ERC1: variants seen among roughly 807,000 people sequenced by gnomAD.
The protein encoded by ERC1 is ELKS/RAB6-interacting/CAST family member 1.
In ERC1, 56 loss-of-function variants were observed where a neutral mutation model predicts 132.0. The observed-to-expected ratio is 0.42, with a 90% CI of 0.34 to 0.53. The LOEUF (loss-of-function observed/expected upper bound fraction) is 0.53. Among genes scored for constraint, ERC1 ranks in the 20% least tolerant of loss-of-function variants. The pLI is 0.03. For synonymous variants in ERC1, 478 were observed against 476.1 expected, an observed-to-expected ratio of 1.00 and a Z score of -0.05; for missense variants, 1,202 against 1,349.9, an observed-to-expected ratio of 0.89 and a Z score of 1.72.
chr12:1,057,908 A>G (rs1195173643), intron 2 of ERC1, among the ~76,000 whole-genome samples: 1 of 152,052 alleles, frequency 6.6e-6, no homozygotes, highest in Non-Finnish European at 1.5e-5. Flanking sequence ...ATTTTTTTTT[A>G]GTGATTTTTC....
chr12:1,299,973 G>C (rs2080265329), intron 15 of ERC1, among the ~76,000 whole-genome samples: 1 of 151,974 alleles, frequency 6.6e-6, no homozygotes, highest in African/African-American at 2.4e-5. Context: ...AATTGAATTT[G>C]TCATATGGAA....
intron 15 of ERC1, among the ~76,000 whole-genome samples, chr12:1,367,120 A>G (rs1394820591): frequency 6.6e-6 from 1 of 152,216 alleles, no homozygotes; most frequent in Non-Finnish European, 1.5e-5. Context: ...GAAGAGTAGA[A>G]GAGATATATT....
At chr12:1,271,173 A>G (rs1012471189) in intron 14 of ERC1, among the ~76,000 whole-genome samples, 4 of 152,232 alleles carry the variant, frequency 2.6e-5, no homozygotes, top group African/African-American at 9.6e-5. Context: ...CATTTTAAAA[A>G]TCATAGTTGT....
At chr12:1,269,716 C>T (rs2077699373) in intron 14 of ERC1, among the ~76,000 whole-genome samples, 1 of 152,174 alleles carries the variant, frequency 6.6e-6, no homozygotes, top group Non-Finnish European at 1.5e-5. Context: ...TGCATGAACA[C>T]TTTCCCAAAA....
intron 7 of ERC1, among the ~76,000 whole-genome samples, chr12:1,136,554 C>G (rs1949266497): frequency 6.6e-6 from 1 of 152,192 alleles, no homozygotes; most frequent in Non-Finnish European, 1.5e-5. Flanking sequence ...CAGTAACCAG[C>G]CCAGTGTAAC....
At chr12:1,221,964 A>C (rs1164147905) in intron 12 of ERC1, among the ~76,000 whole-genome samples, 6 of 152,216 alleles carry the variant, frequency 3.9e-5, no homozygotes, top group Non-Finnish European at 5.9e-5. Flanking sequence ...ATACTAACAC[A>C]AACATAGATG....
chr12:1,254,614 G>C (rs1205379976), intron 13 of ERC1, among the ~76,000 whole-genome samples: 2 of 152,030 alleles, frequency 1.3e-5, no homozygotes. Flanking sequence ...CCCGGTTCAG[G>C]CAATTCTCCC....
intron 8 of ERC1, among the ~76,000 whole-genome samples, chr12:1,151,249 A>G (rs1172614869): frequency 5.3e-5 from 8 of 152,190 alleles, no homozygotes. Flanking sequence ...ACCTATAAAT[A>G]CTTCAGTGGG....
chr12:1,305,610 AT>A lies in ERC1; in HGVS notation c.2780+15600del, dbSNP rs1258595763. 6.6e-5 allele frequency among the ~76,000 whole-genome samples: 10 copies of A among 152,232 alleles called. No homozygotes were observed. In the South Asian group the frequency reaches 1.0e-3, roughly 16 times the overall value. On this transcript the variant is annotated intron_variant, in intron 15 of 18. Coordinates refer to ENST00000360905, the MANE Select transcript of ERC1 (RefSeq NM_178040.4). ...TTTGGCTAAAGCTCAATACCTAATT[AT>A]TATTTTCTTTTTATGCACTATTTTT...
At chr12:1,385,537 A>G (rs898371844) in intron 16 of ERC1, among the ~76,000 whole-genome samples, 14 of 152,208 alleles carry the variant, frequency 9.2e-5, no homozygotes, top group South Asian at 4.1e-4. Context: ...CGCCCGCCTC[A>G]GCCTCCCAAA....
chr12:1,354,464 A>T lies in ERC1; in HGVS notation c.2781-17369A>T, dbSNP rs138459774. Among the ~76,000 whole-genome samples, 647 of 152,138 alleles carry T rather than the reference A, an allele frequency of 4.3e-3. 10 individuals carry two copies. Among genetic ancestry groups the T allele is most frequent in the African/African-American group, 0.015 (619 of 41,530 alleles). On this transcript the variant is annotated intron_variant, in intron 15 of 18. Transcript: ENST00000360905. Reference sequence around the variant, plus strand: ...TTTGAACCTGGGAGGCAGGGGTTTCAGTGAGCCGAGATTGCCCCGTTGCAT... The same window carrying T: ...TTTGAACCTGGGAGGCAGGGGTTTCTGTGAGCCGAGATTGCCCCGTTGCAT...
At chr12:1,299,521 T>C (rs1003386121) in intron 15 of ERC1, among the ~76,000 whole-genome samples, 1 of 152,200 alleles carries the variant, frequency 6.6e-6, no homozygotes, top group Non-Finnish European at 1.5e-5. Flanking sequence ...ATTTTTACCC[T>C]TATATACCTG....
At chr12:1,277,180 C>A (rs1011321426) in intron 14 of ERC1, among the ~76,000 whole-genome samples, 4 of 152,172 alleles carry the variant, frequency 2.6e-5, no homozygotes, top group African/African-American at 9.7e-5. Flanking sequence ...CTGTTGTTGA[C>A]CTCTTAGCTA....
At chr12:1,349,035 T>C (rs562999424) in intron 15 of ERC1, among the ~76,000 whole-genome samples, 1 of 152,344 alleles carries the variant, frequency 6.6e-6, no homozygotes, top group South Asian at 2.1e-4. Flanking sequence ...CTGTCCCGTG[T>C]TCTTATTGTA....
At chr12:1,477,823 T>C (rs1008139923) in intron 18 of ERC1, among the ~76,000 whole-genome samples, 5 of 152,248 alleles carry the variant, frequency 3.3e-5, no homozygotes, top group African/African-American at 1.2e-4. Context: ...TAGTTCTGCC[T>C]GTTTTTAAAC....
chr12:1,343,525 T>C (rs113044159), intron 15 of ERC1, among the ~76,000 whole-genome samples: 4 of 152,330 alleles, frequency 2.6e-5, no homozygotes, highest in African/African-American at 9.6e-5. Flanking sequence ...TGAAGCAGAT[T>C]CTCTTGTAAC....
intron 1 of ERC1, among the ~76,000 whole-genome samples, chr12:1,024,842 GAAAA>G (rs201143939): frequency 2.8e-5 from 2 of 72,512 alleles, no homozygotes; most frequent in African/African-American, 4.6e-5. Context: ...AAAAAAAGTG[GAAAA>G]AAAAAAAAAA....
chr12:1,297,769 A>G (rs1566518940), intron 15 of ERC1, among the ~76,000 whole-genome samples: 1 of 151,768 alleles, frequency 6.6e-6, no homozygotes, highest in African/African-American at 2.4e-5. Flanking sequence ...TAGAAAATGT[A>G]TTTTTTCTTC....
At chr12:1,434,542 T>C (rs1381629541) in intron 17 of ERC1, among the ~76,000 whole-genome samples, 3 of 152,220 alleles carry the variant, frequency 2.0e-5, no homozygotes, top group Non-Finnish European at 4.4e-5. Flanking sequence ...TTCTGTCAAA[T>C]GCTAGGGTTT....
Sources: allele counts gnomAD v4.1 joint callset (sites outside exome capture counted in the v4.1 genomes callset), GRCh38; gene constraint gnomAD v4.1.1; transcripts MANE v1.5; gene names NCBI Gene and HGNC (gene_info 2026-07-23, HGNC 2026-07-21).